Variants in FAM222B observed in about 807,000 individuals in gnomAD.
FAM222B encodes the protein protein FAM222B.
A neutral mutation model predicts 38.0 loss-of-function variants in FAM222B; 12 were observed. The observed-to-expected ratio is 0.32, with a 90% CI of 0.20 to 0.51. The LOEUF is 0.51. Ranked by LOEUF, FAM222B falls within the 20% of genes least tolerant of loss-of-function variation. FAM222B has a pLI of 0.97. For synonymous variants in FAM222B, 329 were observed against 317.2 expected, an observed-to-expected ratio of 1.04 and a Z score of -0.40; for missense variants, 716 against 754.2, an observed-to-expected ratio of 0.95 and a Z score of 0.59.
Position 28,757,999 on chromosome 17 carries a change from A to C in FAM222B, c.*271T>G. The C allele has an allele frequency of 3.3e-4, 103 of 309,760 alleles. No individual in the cohort carries two copies. Among genetic ancestry groups the C allele is most frequent in the Middle Eastern group, 9.5e-4 (1 of 1,048 alleles). 19.2% of individuals were successfully genotyped at this position (309,760 alleles called of 1,614,324 possible). ...AAAGATGGGTGGGAGCTGGCTGGAA[A>C]TGGCCAAGGTGGAGAGACTAGCTGA... On this transcript the variant is annotated 3_prime_UTR_variant, in exon 3 of 3. Coordinates refer to ENST00000581407, the MANE Select transcript of FAM222B (RefSeq NM_001077498.3).
At chr17:28,783,237 C>A (rs2036239846) in intron 1 of FAM222B, among the ~76,000 whole-genome samples, 1 of 151,228 alleles carries the variant, frequency 6.6e-6, no homozygotes, top group South Asian at 2.1e-4. Flanking sequence ...ATAAAATTGA[C>A]AGAGCCAGGA....
chr17:28,803,546 C>T (rs900606810), intron 1 of FAM222B, among the ~76,000 whole-genome samples: 1 of 152,080 alleles, frequency 6.6e-6, no homozygotes, highest in Admixed American at 6.6e-5. Context: ...ATCCTCCTGC[C>T]TCAGTCTCCC....
Position 28,768,836 on chromosome 17 carries a change from CAAAAA to C in FAM222B, c.-40-2134_-40-2130del, listed in dbSNP as rs71359249. ...GGGCCACAAGAGTAAAACTCTGTCTCAAAAAAAAAAAAAAAAAAAAAAAAGAGAGA... is the reference window on the plus strand; with the variant it reads ...GGGCCACAAGAGTAAAACTCTGTCTCAAAAAAAAAAAAAAAAAAAGAGAGA... On this transcript the variant is annotated intron_variant, in intron 1 of 2. Coordinates refer to ENST00000581407, the MANE Select transcript of FAM222B (RefSeq NM_001077498.3). 8.5e-5 allele frequency among the ~76,000 whole-genome samples: 6 copies of C among 70,888 alleles called. No homozygotes were observed. In the East Asian group the frequency reaches 2.2e-3, roughly 26 times the overall value. The allele number at this position is 70,888 out of a possible 152,430, so 46.5% of individuals were successfully genotyped here.
At chr17:28,779,608 G>A (rs1010735531) in intron 1 of FAM222B, among the ~76,000 whole-genome samples, 1 of 151,866 alleles carries the variant, frequency 6.6e-6, no homozygotes. Flanking sequence ...AAAATTAGCC[G>A]GGTGTGGTGG....
At chr17:28,764,620 T>C (rs954975260) in intron 2 of FAM222B, among the ~76,000 whole-genome samples, 3 of 151,708 alleles carry the variant, frequency 2.0e-5, no homozygotes, top group Non-Finnish European at 4.4e-5. Flanking sequence ...TGGTGGTGCA[T>C]GCCTGTAATC....
rs532988865 is a variant in FAM222B, at chr17:28,771,493, A to G, written c.-40-4786T>C. Among the ~76,000 whole-genome samples, 135 of 152,092 alleles carry G rather than the reference A, an allele frequency of 8.9e-4. 1 individual carries two copies. Among genetic ancestry groups the G allele is most frequent in the African/African-American group, 3.0e-3 (125 of 41,488 alleles). On this transcript the variant is annotated intron_variant, in intron 1 of 2. Coordinates refer to ENST00000581407, the MANE Select transcript of FAM222B (RefSeq NM_001077498.3). ...TCAGGAGTTTGAGACCAGCCTGGCC[A>G]ACATAGTGAAACCCCGTCTCTACTC...
intron 1 of FAM222B, among the ~76,000 whole-genome samples, chr17:28,803,929 C>T (rs1456072598): frequency 3.3e-5 from 5 of 151,692 alleles, no homozygotes; most frequent in Admixed American, 3.3e-4. Context: ...TGCAGTAAGC[C>T]GAGATCATGC....
intron 1 of FAM222B, among the ~76,000 whole-genome samples, chr17:28,807,628 C>G (rs185418223): frequency 2.0e-5 from 3 of 152,188 alleles, no homozygotes; most frequent in African/African-American, 7.2e-5. Flanking sequence ...TCAAGTGATC[C>G]GTCCGCCTCA....
Position 28,758,225 on chromosome 17 carries a change from GA to G in FAM222B, c.*44del. On this transcript the variant is annotated 3_prime_UTR_variant, in exon 3 of 3. Transcript: ENST00000581407. ...CAGTTACTTAAAAGACTAAACCTAG[GA>G]GGGTGATGTATGATGTGTTGCACGT... The G allele has an allele frequency of 6.9e-7, 1 of 1,441,420 alleles. No homozygotes were observed. The highest frequency in any genetic ancestry group is 1.3e-5 in the South Asian group (1 of 74,234). 89.3% of individuals were successfully genotyped at this position (1,441,420 alleles called of 1,614,324 possible).
At chr17:28,847,431 A>G (rs1317870959), upstream of FAM222B, among the ~76,000 whole-genome samples, 1 of 151,508 alleles carries the variant, frequency 6.6e-6, no homozygotes, top group Non-Finnish European at 1.5e-5. Flanking sequence ...CATCTCTACT[A>G]AAAATACAAA....
intron 1 of FAM222B, among the ~76,000 whole-genome samples, chr17:28,793,742 ATTT>A (rs1159375528): frequency 4.5e-5 from 6 of 132,766 alleles, no homozygotes; most frequent in Admixed American, 7.7e-5. Flanking sequence ...TACTCAACCA[ATTT>A]TTTTTTTTTT....
intron 1 of FAM222B, among the ~76,000 whole-genome samples, chr17:28,796,233 C>T (rs1248861710): frequency 6.6e-6 from 1 of 152,202 alleles, no homozygotes; most frequent in Non-Finnish European, 1.5e-5. Flanking sequence ...TGAACTAACA[C>T]CCTAAGCGGA....
intron 1 of FAM222B, among the ~76,000 whole-genome samples, chr17:28,774,549 G>A (rs1467783337): frequency 6.6e-6 from 1 of 152,100 alleles, no homozygotes; most frequent in East Asian, 1.9e-4. Context: ...CTCTAATTAA[G>A]GAACAAACCT....
chr17:28,774,975 TAAAAC>T (rs1037660715), intron 1 of FAM222B, among the ~76,000 whole-genome samples: 5 of 142,884 alleles, frequency 3.5e-5, no homozygotes, highest in African/African-American at 1.3e-4. Flanking sequence ...AATAAATAAA[TAAAAC>T]AAACAAAAAA....
At chr17:28,827,084 T>C (rs2038467941) in intron 1 of FAM222B, among the ~76,000 whole-genome samples, 1 of 151,580 alleles carries the variant, frequency 6.6e-6, no homozygotes, top group African/African-American at 2.4e-5. Context: ...GAGTTTGAGG[T>C]TGCAGTGAGC....
chr17:28,798,722 C>A (rs2037063212), intron 1 of FAM222B, among the ~76,000 whole-genome samples: 1 of 151,420 alleles, frequency 6.6e-6, no homozygotes, highest in African/African-American at 2.4e-5. Flanking sequence ...GCAAGCTCCG[C>A]CTCCCGGGTT....
At chr17:28,804,120 G>A (rs921947822) in intron 1 of FAM222B, among the ~76,000 whole-genome samples, 1 of 152,084 alleles carries the variant, frequency 6.6e-6, no homozygotes, top group African/African-American at 2.4e-5. Flanking sequence ...GGTCTCTTCG[G>A]GAACCAGGAC....
intron 2 of FAM222B, 141 bp from the exon 3 acceptor site, chr17:28,760,017 C>G (rs751701400): frequency 4.9e-6 from 4 of 815,428 alleles, no homozygotes; most frequent in Non-Finnish European, 7.6e-6. Context: ...AGCCTTCATT[C>G]GAGACCCAGC....
intron 1 of FAM222B, among the ~76,000 whole-genome samples, chr17:28,781,085 G>A (rs981252176): frequency 1.3e-5 from 2 of 152,084 alleles, no homozygotes; most frequent in African/African-American, 4.8e-5. Context: ...TGGCCAATAG[G>A]TACGTGAAAA....
Sources: gnomAD v4.1 joint callset for allele counts (sites outside exome capture counted in the v4.1 genomes callset) on GRCh38, gnomAD v4.1.1 for gene constraint, MANE v1.5 for transcripts, NCBI Gene and HGNC (gene_info 2026-07-23, HGNC 2026-07-21) for gene names.